The following CTNNA3 variants were observed in gnomAD, a reference collection of about 807,000 sequenced individuals.
CTNNA3 encodes the protein catenin alpha 3.
A neutral mutation model predicts 95.7 loss-of-function variants in CTNNA3; 76 were observed. The ratio of observed to expected loss-of-function variants is 0.79; its 90% CI spans 0.66 to 0.96. CTNNA3 has a LOEUF of 0.96. CTNNA3 is among the 40% of genes least tolerant of loss of function. CTNNA3 has a pLI of 0.00. For synonymous variants in CTNNA3, 431 were observed against 374.4 expected (o/e 1.15, Z -1.74); for missense variants, 1,191 against 1,089.8 (o/e 1.09, Z -1.31).
intron 10 of CTNNA3, among the ~76,000 whole-genome samples, chr10:66,584,599 A>G (rs1026448574): frequency 2.6e-5 from 4 of 151,942 alleles, no homozygotes; most frequent in East Asian, 3.9e-4. Context: ...TCTTCTGAAG[A>G]TAGCAGGTAT....
chr10:67,325,312 T>C (rs1211303652), intron 5 of CTNNA3, among the ~76,000 whole-genome samples: 5 of 152,170 alleles, frequency 3.3e-5, no homozygotes, highest in Non-Finnish European at 5.9e-5. Context: ...CTAGTTCTTT[T>C]AGTTGTGGTG....
intron 7 of CTNNA3, among the ~76,000 whole-genome samples, chr10:66,791,139 C>T (rs1840950728): frequency 6.6e-6 from 1 of 152,084 alleles, no homozygotes; most frequent in Admixed American, 6.6e-5. Context: ...TGTGTGATAC[C>T]CATTTGTTTA....
intron 7 of CTNNA3, among the ~76,000 whole-genome samples, chr10:66,917,241 C>A (rs1288745782): frequency 6.6e-6 from 1 of 152,138 alleles, no homozygotes; most frequent in Admixed American, 6.5e-5. Context: ...GCATTTGCTA[C>A]CCGGGACTAA....
At chr10:66,263,105 G>T (rs2091052852) in intron 13 of CTNNA3, among the ~76,000 whole-genome samples, 4 of 151,988 alleles carry the variant, frequency 2.6e-5, no homozygotes, top group African/African-American at 9.7e-5. Context: ...GGAAACACAG[G>T]TAGAGCTGTC....
At chr10:66,475,528 T>C (rs986120441) in intron 11 of CTNNA3, among the ~76,000 whole-genome samples, 1 of 151,822 alleles carries the variant, frequency 6.6e-6, no homozygotes, top group African/African-American at 2.4e-5. Context: ...ATCTCATCAA[T>C]GAACCCATTA....
intron 5 of CTNNA3, among the ~76,000 whole-genome samples, chr10:67,390,930 C>G (rs577785075): frequency 6.6e-6 from 1 of 151,884 alleles, no homozygotes; most frequent in Admixed American, 6.6e-5. Flanking sequence ...CTATCTATGA[C>G]AAACCCACAG....
chr10:66,946,416 A>C (rs1329314257), intron 7 of CTNNA3, among the ~76,000 whole-genome samples: 1 of 152,164 alleles, frequency 6.6e-6, no homozygotes, highest in African/African-American at 2.4e-5. Flanking sequence ...TAATATACAT[A>C]GAGAAAAGTG....
chr10:67,396,761 A>G lies in CTNNA3; in HGVS notation c.579+125081T>C, dbSNP rs1252449790. ...GTAGTTTCCATAATCCCCATGTGTC[A>G]TGGGAGGGACACGGTGGGAGGTAAT... On this transcript the variant is annotated intron_variant, in intron 5 of 17. Transcript: ENST00000433211. Among the ~76,000 whole-genome samples the G allele has an allele frequency of 2.7e-5, 4 of 150,570 alleles. No homozygotes were observed. The East Asian group carries it at 7.9e-4, about 30-fold the overall frequency.
chr10:66,401,448 T>G (rs1027840451), intron 11 of CTNNA3, among the ~76,000 whole-genome samples: 1 of 150,606 alleles, frequency 6.6e-6, no homozygotes, highest in Non-Finnish European at 1.5e-5. Context: ...ATCACTGAAG[T>G]GGAGGTTGCT....
chr10:66,423,861 CTCTT>C (rs543332159), intron 11 of CTNNA3, among the ~76,000 whole-genome samples: 122 of 152,208 alleles, frequency 8.0e-4, no homozygotes, highest in African/African-American at 2.8e-3. Context: ...TGTTTCTTTC[CTCTT>C]TCTTTAACTC....
At chr10:67,325,950 T>G (rs1003281080) in intron 5 of CTNNA3, among the ~76,000 whole-genome samples, 3 of 152,238 alleles carry the variant, frequency 2.0e-5, no homozygotes, top group Admixed American at 2.0e-4. Flanking sequence ...ATCTTCTTGT[T>G]GACTTGACCC....
At chr10:67,184,131 C>A (rs569684878) in intron 6 of CTNNA3, among the ~76,000 whole-genome samples, 4 of 152,194 alleles carry the variant, frequency 2.6e-5, no homozygotes, top group African/African-American at 9.6e-5. Context: ...TTTCTGCTAA[C>A]GCTTTGGCCA....
rs200103028 is a variant in CTNNA3, at chr10:66,360,594, T to C, written c.1732+18558A>G. ...TGAGGCTTACCTCTAATGTATTCTT[T>C]CCTTCTTTCTTTCTTTCTTTCTTTC... On this transcript the variant is annotated intron_variant, in intron 12 of 17. Transcript: ENST00000433211. Among the ~76,000 whole-genome samples the C allele has an allele frequency of 1.1e-4, 11 of 103,624 alleles. No homozygotes were observed. The East Asian group carries it at 1.6e-3, about 15-fold the overall frequency. The allele number at this position is 103,624 out of a possible 152,430, so 68.0% of individuals were successfully genotyped here.
intron 14 of CTNNA3, among the ~76,000 whole-genome samples, chr10:66,070,821 G>A (rs1415592122): frequency 6.6e-6 from 1 of 152,076 alleles, no homozygotes; most frequent in African/African-American, 2.4e-5. Flanking sequence ...ACCCTGTTGT[G>A]GACAGGGAGC....
At chr10:66,542,405 A>C (rs1326600444) in intron 10 of CTNNA3, among the ~76,000 whole-genome samples, 3 of 152,090 alleles carry the variant, frequency 2.0e-5, no homozygotes, top group Non-Finnish European at 2.9e-5. Context: ...ACCCAAAGGA[A>C]TATAAATCAT....
intron 5 of CTNNA3, among the ~76,000 whole-genome samples, chr10:67,489,647 G>C (rs1848579130): frequency 6.6e-6 from 1 of 151,878 alleles, no homozygotes; most frequent in African/African-American, 2.4e-5. Flanking sequence ...ATTGCTCCTA[G>C]GACTGAATGC....
intron 12 of CTNNA3, among the ~76,000 whole-genome samples, chr10:66,356,315 A>G (rs2092610234): frequency 1.3e-5 from 2 of 151,970 alleles, no homozygotes; most frequent in African/African-American, 2.4e-5. Flanking sequence ...GTATATTCCA[A>G]TAATGGAACA....
chr10:66,613,412 C>T (rs1844398032), intron 10 of CTNNA3, among the ~76,000 whole-genome samples: 2 of 151,924 alleles, frequency 1.3e-5, no homozygotes, highest in South Asian at 2.1e-4. Flanking sequence ...GTAGGTGGTC[C>T]GTAAGTATTT....
At chr10:66,584,501 C>G (rs1299064262) in intron 10 of CTNNA3, among the ~76,000 whole-genome samples, 3 of 151,858 alleles carry the variant, frequency 2.0e-5, no homozygotes, top group Non-Finnish European at 4.4e-5. Flanking sequence ...AATAGCTACT[C>G]CTGCTTGCTT....
Sources: gnomAD v4.1 joint callset for allele counts (sites outside exome capture counted in the v4.1 genomes callset) on GRCh38, gnomAD v4.1.1 for gene constraint, MANE v1.5 for transcripts, NCBI Gene and HGNC (gene_info 2026-07-23, HGNC 2026-07-21) for gene names.